Variants in SLCO3A1 observed in about 807,000 individuals in gnomAD.
SLCO3A1 encodes solute carrier organic anion transporter family member 3A1.
In SLCO3A1, 27 loss-of-function variants were observed where a neutral mutation model predicts 63.1. That is an observed-to-expected ratio of 0.43 (90% CI 0.32 to 0.59). The LOEUF (loss-of-function observed/expected upper bound fraction) is 0.59, where lower values mean the gene tolerates loss of function less well. Among genes scored for constraint, SLCO3A1 ranks in the 20% least tolerant of loss-of-function variants. SLCO3A1 has a pLI of 0.09. For missense variants in SLCO3A1, 773 were observed against 945.8 expected (o/e 0.82, Z 2.40); for synonymous variants, 473 against 409.9 (o/e 1.15, Z -1.86).
At chr15:91,966,265 G>A (rs898933627) in intron 2 of SLCO3A1, among the ~76,000 whole-genome samples, 3 of 152,156 alleles carry the variant, frequency 2.0e-5, no homozygotes, top group Non-Finnish European at 2.9e-5. Flanking sequence ...GATTTGGGAC[G>A]CAGAGAAAAG....
At position 92,118,107 on chromosome 15, in the gene SLCO3A1, G is replaced by A. The variant is rs541684221; in HGVS notation, c.1010-2358G>A. Among the ~76,000 whole-genome samples, 17 of 152,280 alleles carry A rather than the reference G, an allele frequency of 1.1e-4. No homozygotes were observed. The South Asian group carries it at 3.1e-3, about 28-fold the overall frequency. ...CATAAAGACCAGTACACTTAAAATC[G>A]AGGAGGGTATAAGTGTATTAATACA... On this transcript the variant is annotated intron_variant, in intron 4 of 9. Coordinates refer to ENST00000318445, the MANE Select transcript of SLCO3A1 (RefSeq NM_013272.4).
At chr15:91,888,842 CA>C (rs955929805) in intron 1 of SLCO3A1, among the ~76,000 whole-genome samples, 5 of 151,016 alleles carry the variant, frequency 3.3e-5, no homozygotes, top group Admixed American at 2.6e-4. Context: ...CAAAACAAAA[CA>C]AAAAAAACAA....
At chr15:92,127,456 G>T (rs910922089) in intron 6 of SLCO3A1, among the ~76,000 whole-genome samples, 8 of 152,138 alleles carry the variant, frequency 5.3e-5, no homozygotes, top group African/African-American at 1.9e-4. Flanking sequence ...CTGTGCCTCG[G>T]TTTCTTCTCT....
rs150407406 is a variant in SLCO3A1 at position 91,973,839 on chromosome 15, C to T, written c.646+57381C>T. ...CCTGATTAAGGGGAAAGCAGGCTCT[C>T]GAAGTGGTTTGAGTTGGGAGCATGT... On this transcript the variant is annotated intron_variant, in intron 2 of 9. Transcript: ENST00000318445. Among the ~76,000 whole-genome samples, 467 of 152,254 alleles carry T rather than the reference C, an allele frequency of 3.1e-3. 3 individuals carry two copies. Among genetic ancestry groups the T allele is most frequent in the African/African-American group, 0.011 (440 of 41,558 alleles).
chr15:92,155,070 TGTTGAGTA>T (rs1212812954), intron 9 of SLCO3A1: 1 of 151,276 alleles, frequency 6.6e-6, no homozygotes, highest in Non-Finnish European at 1.5e-5. Context: ...AAGTTTATGT[TGTTGAGTA>T]GGGGAGGAAG....
rs1247254484 is a variant in SLCO3A1, at chr15:91,872,399, G to A, written c.180+18311G>A. 6.6e-6 allele frequency among the ~76,000 whole-genome samples: 1 copy of A among 152,118 alleles called. No homozygotes were observed. Among genetic ancestry groups the A allele is most frequent in the Non-Finnish European group, 1.5e-5 (1 of 68,016 alleles). On this transcript the variant is annotated intron_variant, in intron 1 of 9. Coordinates refer to ENST00000318445, the MANE Select transcript of SLCO3A1 (RefSeq NM_013272.4). The surrounding 1 kb of genome is among the most constrained non-coding windows in gnomAD (Gnocchi z 4.1). The stretch of plus-strand genomic sequence containing the variant: ...TACAAAAAAATAGCCGGGCATGGTG[G>A]CAGTTGCCTGTAATCCCAGCTACTC...
chr15:91,873,029 C>T (rs1302721869), intron 1 of SLCO3A1, among the ~76,000 whole-genome samples: 1 of 152,210 alleles, frequency 6.6e-6, no homozygotes, highest in Non-Finnish European at 1.5e-5. Flanking sequence ...ACACATGGGC[C>T]ATTATGTAAT....
chr15:91,995,000 A>T (rs12438691), intron 2 of SLCO3A1, among the ~76,000 whole-genome samples: 32,439 of 152,050 alleles, frequency 0.21, 4,031 homozygotes, highest in East Asian at 0.33. Flanking sequence ...AAAATCCTTT[A>T]CATGAGCATC....
intron 2 of SLCO3A1, among the ~76,000 whole-genome samples, chr15:92,069,577 T>C (rs1293877513): frequency 6.6e-6 from 1 of 152,220 alleles, no homozygotes; most frequent in Admixed American, 6.5e-5. Context: ...GTCCTGCCTC[T>C]TGCTTCCAGC....
At chr15:92,127,936 G>C (rs1313633548) in intron 6 of SLCO3A1, among the ~76,000 whole-genome samples, 2 of 151,834 alleles carry the variant, frequency 1.3e-5, no homozygotes, top group South Asian at 2.1e-4. Context: ...GTTCAGGACA[G>C]GGGGATAAGC....
chr15:92,088,099 G>T (rs2047428136), intron 2 of SLCO3A1, among the ~76,000 whole-genome samples: 4 of 152,100 alleles, frequency 2.6e-5, no homozygotes, highest in Admixed American at 2.6e-4. Context: ...TCCCAGCTCT[G>T]CCACCAACTG....
At chr15:91,957,851 CG>C (rs1900295847) in intron 2 of SLCO3A1, among the ~76,000 whole-genome samples, 1 of 152,134 alleles carries the variant, frequency 6.6e-6, no homozygotes, top group Admixed American at 6.5e-5. Flanking sequence ...ATCATAAAGA[CG>C]AGGACTTCAT....
At chr15:92,086,410 G>GT (rs2047404894) in intron 2 of SLCO3A1, among the ~76,000 whole-genome samples, 1 of 151,960 alleles carries the variant, frequency 6.6e-6, no homozygotes, top group Non-Finnish European at 1.5e-5. Context: ...TGGATTTCCT[G>GT]TTTTTTGAAA....
chr15:92,117,481 A>G (rs2047809473), intron 4 of SLCO3A1, among the ~76,000 whole-genome samples: 2 of 152,212 alleles, frequency 1.3e-5, no homozygotes, highest in South Asian at 4.1e-4. Flanking sequence ...CCTATTTGAC[A>G]TTGGCAATGT....
chr15:92,096,122 T>C (rs1437247007), intron 3 of SLCO3A1, among the ~76,000 whole-genome samples: 2 of 152,164 alleles, frequency 1.3e-5, no homozygotes, highest in Non-Finnish European at 2.9e-5. Context: ...GCAGTCAAGG[T>C]GTTGCAAGGT....
At chr15:92,062,257 C>T (rs2047095682) in intron 2 of SLCO3A1, among the ~76,000 whole-genome samples, 1 of 152,154 alleles carries the variant, frequency 6.6e-6, no homozygotes, top group Admixed American at 6.5e-5. Flanking sequence ...GAGTAAGTGG[C>T]AGTTTTATGG....
intron 2 of SLCO3A1, among the ~76,000 whole-genome samples, chr15:92,071,068 T>G (rs1284782544): frequency 1.3e-5 from 2 of 152,164 alleles, no homozygotes; most frequent in Non-Finnish European, 2.9e-5. Flanking sequence ...GGGGCATAGC[T>G]CTTTTGCCCC....
intron 2 of SLCO3A1, among the ~76,000 whole-genome samples, chr15:91,930,219 C>T (rs968686887): frequency 2.0e-5 from 3 of 152,166 alleles, no homozygotes; most frequent in Non-Finnish European, 4.4e-5. Context: ...GGTCCCCAGC[C>T]TCCTCTACTC....
intron 1 of SLCO3A1, among the ~76,000 whole-genome samples, chr15:91,855,917 C>G (rs934263691): frequency 1.3e-5 from 2 of 152,034 alleles, no homozygotes; most frequent in African/African-American, 4.8e-5. Flanking sequence ...CAAACACCCG[C>G]AGAACTTTTC....
Sources: allele counts gnomAD v4.1 joint callset (sites outside exome capture counted in the v4.1 genomes callset), GRCh38; gene constraint gnomAD v4.1.1; non-coding constraint Gnocchi (gnomAD v3.1); transcripts MANE v1.5; gene names NCBI Gene and HGNC (gene_info 2026-07-23, HGNC 2026-07-21).